CLEC16A: variants seen among roughly 807,000 people sequenced by gnomAD.
The protein encoded by CLEC16A is C-type lectin domain containing 16A.
In CLEC16A, 51 loss-of-function variants were observed where a neutral mutation model predicts 109.5. The ratio of observed to expected loss-of-function variants is 0.47; its 90% CI spans 0.37 to 0.59. The LOEUF (loss-of-function observed/expected upper bound fraction) is 0.59, where lower values mean the gene tolerates loss of function less well. CLEC16A is among the 20% of genes least tolerant of loss of function. The pLI is 0.00. For missense variants in CLEC16A, 1,339 were observed against 1,394.0 expected (o/e 0.96, Z 0.63); for synonymous variants, 673 against 564.2 (o/e 1.19, Z -2.73).
intron 19 of CLEC16A, among the ~76,000 whole-genome samples, chr16:11,104,981 G>C (rs1446925979): frequency 6.6e-6 from 1 of 152,192 alleles, no homozygotes; most frequent in African/African-American, 2.4e-5. Context: ...GGAGCTGTGT[G>C]AACCTAGATT....
chr16:11,006,272 A>G (rs1161545468), intron 11 of CLEC16A, among the ~76,000 whole-genome samples: 6 of 152,170 alleles, frequency 3.9e-5, no homozygotes, highest in Admixed American at 6.5e-5. Context: ...TGACAAATCT[A>G]TGCTACAGTG....
chr16:11,049,913 A>T (rs1719601137), intron 17 of CLEC16A, among the ~76,000 whole-genome samples: 1 of 152,234 alleles, frequency 6.6e-6, no homozygotes. Context: ...TTCTGGAGGA[A>T]AGTACTTAAA....
intron 18 of CLEC16A, among the ~76,000 whole-genome samples, chr16:11,055,513 A>G (rs2048164916): frequency 7.4e-6 from 1 of 136,022 alleles, no homozygotes; most frequent in Admixed American, 7.4e-5. Flanking sequence ...ACAGGAGAGG[A>G]TGGTGGTAGC....
intron 19 of CLEC16A, among the ~76,000 whole-genome samples, chr16:11,072,242 C>T (rs2049115803): frequency 6.6e-6 from 1 of 152,014 alleles, no homozygotes; most frequent in Admixed American, 6.6e-5. Flanking sequence ...CCACCTCAGC[C>T]TGTAGTATCT....
intron 22 of CLEC16A, among the ~76,000 whole-genome samples, chr16:11,163,416 G>C (rs910087982): frequency 6.6e-6 from 1 of 152,208 alleles, no homozygotes; most frequent in African/African-American, 2.4e-5. Flanking sequence ...AAGTGGGTGA[G>C]GGAGAGATGT....
At chr16:11,103,954 G>T (rs2051070539) in intron 19 of CLEC16A, among the ~76,000 whole-genome samples, 1 of 152,222 alleles carries the variant, frequency 6.6e-6, no homozygotes. Context: ...TTGCTTAGAA[G>T]AGCCTTGAAT....
chr16:11,031,418 A>G (rs1299325015), intron 13 of CLEC16A, among the ~76,000 whole-genome samples: 2 of 152,132 alleles, frequency 1.3e-5, no homozygotes, highest in Non-Finnish European at 2.9e-5. Flanking sequence ...GTGTGCTGCC[A>G]TGCACCTTCA....
intron 3 of CLEC16A, among the ~76,000 whole-genome samples, chr16:10,967,317 G>A (rs1255757038): frequency 6.6e-6 from 1 of 152,118 alleles, no homozygotes; most frequent in Non-Finnish European, 1.5e-5. Flanking sequence ...TAGGTACCTC[G>A]ACGGCTCCAA....
intron 22 of CLEC16A, among the ~76,000 whole-genome samples, chr16:11,138,768 A>G (rs377042586): frequency 9.9e-5 from 15 of 152,246 alleles, no homozygotes; most frequent in African/African-American, 3.1e-4. Context: ...TCGCAGGCGC[A>G]CCCTCATTCG....
chr16:11,091,276 G>A (rs78117580), intron 19 of CLEC16A, among the ~76,000 whole-genome samples: 10,792 of 152,296 alleles, frequency 0.071, 386 homozygotes, highest in East Asian at 0.12. Context: ...GGGTAAAAGG[G>A]AAGTTGTGTG....
At chr16:11,149,818 T>C (rs1597570901) in intron 22 of CLEC16A, 1 of 151,704 alleles carries the variant, frequency 6.6e-6, no homozygotes, top group Non-Finnish European at 1.5e-5. Flanking sequence ...ACATTGCAGG[T>C]GCGACTTAAG....
intron 15 of CLEC16A, 58 bp from the exon 16 acceptor site, chr16:11,043,970 C>A: frequency 1.4e-6 from 2 of 1,425,228 alleles, no homozygotes; most frequent in South Asian, 1.3e-5. Flanking sequence ...CGTAGTTTGC[C>A]CGACTTGCTC....
chr16:10,964,871 G>T (rs2042426263), intron 3 of CLEC16A, among the ~76,000 whole-genome samples: 1 of 152,194 alleles, frequency 6.6e-6, no homozygotes, highest in Non-Finnish European at 1.5e-5. Context: ...TTGTGCGTGT[G>T]TGTGGGTGGG....
chr16:11,172,978 T>C (rs1353452597), intron 23 of CLEC16A, among the ~76,000 whole-genome samples: 3 of 152,138 alleles, frequency 2.0e-5, no homozygotes, highest in Non-Finnish European at 2.9e-5. Context: ...AAGACAGGTC[T>C]GGCTGCTGTT....
At position 11,020,311 on chromosome 16, in the gene CLEC16A, C is replaced by G. The variant is rs769479554; in HGVS notation, c.1422C>G (p.Ser474Arg). ...EKSAAATCSESTQWSRPFLDM... is the reference protein window; with the variant it reads ...EKSAAATCSERTQWSRPFLDM... ...GCGCCGCCGCCACCTGCTCTGAGAG[C>G]ACGCAATGGAGCAGGTAGCTGCCCG... The change falls in exon 12 of 24, where the codon AGC (serine) becomes AGG (arginine). Residue 474 changes from serine (S) to arginine (R), a missense_variant. By Grantham distance (110) the Ser-to-Arg change is moderately radical. Coordinates refer to ENST00000409790, the MANE Select transcript of CLEC16A (RefSeq NM_015226.3). 1 of 1,611,324 alleles carries G rather than the reference C, an allele frequency of 6.2e-7. No individual in the cohort carries two copies.
At position 11,047,468 on chromosome 16, in the gene CLEC16A, G is replaced by A; in HGVS notation, c.1866+126G>A. On this transcript the variant is annotated intron_variant, in intron 17 of 23. Transcript: ENST00000409790. ...TGACCAAATAGCACAGATTGATGGGGAAGCAGATTTAGAATGGTGTCTTGT... is the reference window on the plus strand; with the variant it reads ...TGACCAAATAGCACAGATTGATGGGAAAGCAGATTTAGAATGGTGTCTTGT... The A allele has an allele frequency of 7.9e-6, 4 of 503,470 alleles. No individual in the cohort carries two copies. The East Asian group carries it at 1.4e-4, about 18-fold the overall frequency. The allele number at this position is 503,470 out of a possible 1,614,324, so 31.2% of individuals were successfully genotyped here.
rs61569571 is a variant in CLEC16A, at chr16:11,008,086, G to T, written c.1303+4781G>T. On this transcript the variant is annotated intron_variant, in intron 11 of 23. Transcript: ENST00000409790. ...GCACTTAGCGCACACACTCTCGGTCGTTGTCAGGGGCTGTTTGCTTCTTGA... is the reference window on the plus strand; with the variant it reads ...GCACTTAGCGCACACACTCTCGGTCTTTGTCAGGGGCTGTTTGCTTCTTGA... 2.6e-5 allele frequency among the ~76,000 whole-genome samples: 4 copies of T among 152,180 alleles called. 2 individuals are homozygous for T. The highest frequency in any genetic ancestry group is 2.6e-4 in the Admixed American group (4 of 15,280).
rs562679308 is a variant in CLEC16A at position 11,174,011 on chromosome 16, C to G, written c.2807-4324C>G. The stretch of plus-strand genomic sequence containing the variant: ...CCAGCGCCCCATGCACCGGTGGCCA[C>G]AAGCCCATGCTGGGCACTGCCCCAC... On this transcript the variant is annotated intron_variant, in intron 23 of 23. Coordinates refer to ENST00000409790, the MANE Select transcript of CLEC16A (RefSeq NM_015226.3). This position sits in a 1 kb window ranked among gnomAD's most constrained non-coding sequence, Gnocchi z 4.7. 31 of 353,392 alleles carry G rather than the reference C, an allele frequency of 8.8e-5. 1 individual carries two copies. In the Middle Eastern group the frequency reaches 4.9e-3, roughly 56 times the overall value. 21.9% of individuals were successfully genotyped at this position (353,392 alleles called of 1,614,324 possible).
At chr16:11,099,316 C>T (rs2050776440) in intron 19 of CLEC16A, among the ~76,000 whole-genome samples, 1 of 152,242 alleles carries the variant, frequency 6.6e-6, no homozygotes, top group African/African-American at 2.4e-5. Flanking sequence ...CTGTCCAACA[C>T]GGTAGCCACT....
Sources: allele counts gnomAD v4.1 joint callset (sites outside exome capture counted in the v4.1 genomes callset), GRCh38; gene constraint gnomAD v4.1.1; non-coding constraint Gnocchi (gnomAD v3.1); transcripts MANE v1.5; gene names NCBI Gene and HGNC (gene_info 2026-07-23, HGNC 2026-07-21).